The following MYO6 variants were observed in gnomAD, a reference collection of about 807,000 sequenced individuals.
MYO6 encodes myosin VI.
Under a neutral mutation model 178.7 loss-of-function variants are expected in MYO6, and 74 were observed. The observed-to-expected ratio is 0.41, with a 90% CI of 0.34 to 0.50. The LOEUF is 0.50. Ranked by LOEUF, MYO6 falls within the 20% of genes least tolerant of loss-of-function variation. The pLI, the probability that MYO6 is intolerant of heterozygous loss-of-function variation, is 0.09. For synonymous variants in MYO6, 477 were observed against 504.6 expected (o/e 0.95, Z 0.73); for missense variants, 1,330 against 1,547.4 (o/e 0.86, Z 2.36).
intron 19 of MYO6, among the ~76,000 whole-genome samples, chr6:75,871,424 A>AT (rs1777134173): frequency 6.6e-6 from 1 of 151,872 alleles, no homozygotes. Context: ...TAATTTTTGT[A>AT]TTTTTTGTAG....
intron 1 of MYO6, among the ~76,000 whole-genome samples, chr6:75,771,110 C>T (rs1765849054): frequency 6.6e-6 from 1 of 151,788 alleles, no homozygotes; most frequent in Non-Finnish European, 1.5e-5. Context: ...TCAAGTGATC[C>T]TCCCGCCTCA....
At chr6:75,814,392 C>T (rs938071351) in intron 1 of MYO6, among the ~76,000 whole-genome samples, 1 of 152,100 alleles carries the variant, frequency 6.6e-6, no homozygotes, top group Non-Finnish European at 1.5e-5. Context: ...ACATTGCTCA[C>T]CTGATTTTTT....
In MYO6 at chr6:75,817,335, G is replaced by A. The variant is rs56338010; in HGVS notation, c.-47-166G>A. Among the ~76,000 whole-genome samples the A allele has an allele frequency of 0.043, 6,541 of 151,700 alleles. 243 individuals carry two copies. Among genetic ancestry groups the A allele is most frequent in the East Asian group, 0.18 (936 of 5,150 alleles). On this transcript the variant is annotated intron_variant, in intron 1 of 34. Transcript: ENST00000369977. The stretch of plus-strand genomic sequence containing the variant: ...AAAAAAAAAAAAAGTAGATAAAGGG[G>A]GCAGAGTTCAGCAAGAGGCAAGGGA...
chr6:75,750,396 A>C (rs944153654), intron 1 of MYO6, among the ~76,000 whole-genome samples: 1 of 150,684 alleles, frequency 6.6e-6, no homozygotes, highest in African/African-American at 2.4e-5. Context: ...CGCCTGGCCA[A>C]ATATTCTTTA....
chr6:75,771,887 G>A (rs1765929943), intron 1 of MYO6, among the ~76,000 whole-genome samples: 1 of 152,044 alleles, frequency 6.6e-6, no homozygotes, highest in South Asian at 2.1e-4. Context: ...TTCTTGTCAG[G>A]TGTTGAGGAA....
rs1053985413 is a variant in MYO6, at chr6:75,778,200, A to C, written c.-48+28777A>C. On this transcript the variant is annotated intron_variant, in intron 1 of 34. Coordinates refer to ENST00000369977, the MANE Select transcript of MYO6 (RefSeq NM_004999.4). ...TTCTATATTTTATGGTTTCTTAAGA[A>C]TTTTGCAGTAAGTCAACAGTTTTGT... Among the ~76,000 whole-genome samples, 93 of 152,112 alleles carry C rather than the reference A, an allele frequency of 6.1e-4. 1 individual carries two copies. The highest frequency in any genetic ancestry group is 5.5e-3 in the Admixed American group (84 of 15,272).
At chr6:75,815,801 A>G (rs1018718906) in intron 1 of MYO6, among the ~76,000 whole-genome samples, 5 of 152,220 alleles carry the variant, frequency 3.3e-5, no homozygotes, top group Non-Finnish European at 7.3e-5. Flanking sequence ...GAGGATCCAC[A>G]TTTGAGAATG....
At chr6:75,778,846 CAGG>C (rs1766659311) in intron 1 of MYO6, among the ~76,000 whole-genome samples, 1 of 151,388 alleles carries the variant, frequency 6.6e-6, no homozygotes, top group African/African-American at 2.4e-5. Context: ...CCTTTGAGCC[CAGG>C]AGTTCAGACC....
chr6:75,807,252 C>G (rs72890624), intron 1 of MYO6, among the ~76,000 whole-genome samples: 4,465 of 152,220 alleles, frequency 0.029, 95 homozygotes, highest in Non-Finnish European at 0.047. Context: ...ACTAATCTCT[C>G]TGGAAATATG....
chr6:75,874,842 C>A (rs967736110), intron 20 of MYO6, among the ~76,000 whole-genome samples: 1 of 152,144 alleles, frequency 6.6e-6, no homozygotes, highest in African/African-American at 2.4e-5. Context: ...TCTTTAACTC[C>A]AGGATAATTT....
At chr6:75,801,654 T>C (rs934479419) in intron 1 of MYO6, among the ~76,000 whole-genome samples, 7 of 151,978 alleles carry the variant, frequency 4.6e-5, no homozygotes, top group Admixed American at 3.9e-4. Context: ...AAAAAATAAT[T>C]TGAGGGCTGG....
Position 75,892,594 on chromosome 6 carries a change from A to G in MYO6, c.3011A>G (p.Glu1004Gly). ...GAATCCCAACAGCAAGCAGTTCTGG[A>G]GCAGGAGCGCAGGGACCGGGAGCTG... ...EEESQQQAVL[E>G]QERRDRELAL... The change falls in exon 28 of 35, where the codon GAG (glutamate) becomes GGG (glycine). Residue 1004 changes from glutamate (E) to glycine (G), a missense_variant. This residue lies in a region of MYO6 where 601 missense variants were observed against 626.1 expected (regional missense o/e 0.96). Coordinates refer to ENST00000369977, the MANE Select transcript of MYO6 (RefSeq NM_004999.4). The G allele has an allele frequency of 6.2e-7, 1 of 1,613,732 alleles. No individual in the cohort carries two copies. The highest frequency in any genetic ancestry group is 8.5e-7 in the Non-Finnish European group (1 of 1,180,014).
chr6:75,890,643 T>A (rs187666055), intron 26 of MYO6, among the ~76,000 whole-genome samples: 5 of 152,168 alleles, frequency 3.3e-5, no homozygotes, highest in African/African-American at 1.2e-4. Context: ...CCGTGCTCGG[T>A]TGACAATTCT....
intron 1 of MYO6, among the ~76,000 whole-genome samples, chr6:75,753,435 C>CTA (rs1291309345): frequency 1.4e-5 from 2 of 139,500 alleles, no homozygotes; most frequent in African/African-American, 2.8e-5. Flanking sequence ...TATCTATGAT[C>CTA]TATATATGTG....
At chr6:75,785,462 T>C (rs975192866) in intron 1 of MYO6, among the ~76,000 whole-genome samples, 2 of 139,246 alleles carry the variant, frequency 1.4e-5, no homozygotes, top group Middle Eastern at 3.2e-3. Context: ...TGTTTTTTGG[T>C]CTTTTCTTTT....
chr6:75,866,199 AT>A (rs1284386980), intron 16 of MYO6, among the ~76,000 whole-genome samples: 1 of 151,138 alleles, frequency 6.6e-6, no homozygotes, highest in Non-Finnish European at 1.5e-5. Flanking sequence ...TTAAAAAAAA[AT>A]TTTTTTATTA....
chr6:75,911,171 A>C (rs1780727592), intron 32 of MYO6, among the ~76,000 whole-genome samples: 1 of 152,050 alleles, frequency 6.6e-6, no homozygotes, highest in Non-Finnish European at 1.5e-5. Context: ...TTTGGAAAGT[A>C]GTTTTATTTT....
intron 3 of MYO6, among the ~76,000 whole-genome samples, chr6:75,825,926 CTTATG>C (rs1038048671): frequency 2.0e-4 from 31 of 151,974 alleles, no homozygotes; most frequent in African/African-American, 7.5e-4. Flanking sequence ...TGTTATATGT[CTTATG>C]TTAAATTGTT....
intron 1 of MYO6, among the ~76,000 whole-genome samples, chr6:75,804,988 T>TAC (rs1192723407): frequency 7.9e-6 from 1 of 126,988 alleles, no homozygotes; most frequent in African/African-American, 3.4e-5. Context: ...CACACATATA[T>TAC]ATATACACAC....
Sources: gnomAD v4.1 joint callset for allele counts (sites outside exome capture counted in the v4.1 genomes callset) on GRCh38, gnomAD v4.1.1 for gene constraint, gnomAD v4.1.1 regional missense constraint, MANE v1.5 for transcripts, NCBI Gene and HGNC (gene_info 2026-07-23, HGNC 2026-07-21) for gene names.